The following LVRN variants were observed in gnomAD, a reference collection of about 807,000 sequenced individuals.
LVRN encodes the protein laeverin.
A neutral mutation model predicts 111.4 loss-of-function variants in LVRN; 99 were observed. The ratio of observed to expected loss-of-function variants is 0.89; its 90% confidence interval spans 0.76 to 1.05. The LOEUF is 1.05. LVRN is among the 50% of genes least tolerant of loss of function. The pLI is 0.00. For missense variants in LVRN, 1,414 were observed against 1,206.8 expected, an observed-to-expected ratio of 1.17 and a Z score of -2.54; for synonymous variants, 488 against 449.5, an observed-to-expected ratio of 1.09 and a Z score of -1.08.
In LVRN at chr5:115,984,477, G is replaced by A. The variant is rs534104519; in HGVS notation, c.839-93G>A. 7 of 1,427,462 alleles carry A rather than the reference G, an allele frequency of 4.9e-6. No homozygotes were observed. The African/African-American group carries it at 7.1e-5, about 14-fold the overall frequency. 88.4% of individuals were successfully genotyped at this position (1,427,462 alleles called of 1,614,324 possible). A position where few individuals can be genotyped will look rare whatever the true frequency, so the allele number is the denominator to read the frequency against. ...TAGACTATGAGGAATAGCTGGAAAG[G>A]AGTAGCTGGGTGACAATTGACTTGA... On this transcript the variant is annotated intron_variant, in intron 2 of 19. Transcript: ENST00000357872.
chr5:116,017,428 A>T (rs1580400899), intron 18 of LVRN, among the ~76,000 whole-genome samples: 1 of 152,232 alleles, frequency 6.6e-6, no homozygotes, highest in African/African-American at 2.4e-5. Flanking sequence ...TTGGAGGTCA[A>T]TTCTAGAATC....
chr5:116,023,023 C>A (rs528867836), intron 19 of LVRN, among the ~76,000 whole-genome samples: 1 of 152,322 alleles, frequency 6.6e-6, no homozygotes, highest in South Asian at 2.1e-4. Context: ...TTCAGAAACA[C>A]TCTACCTTCT....
chr5:115,983,296 A>G lies in LVRN; in HGVS notation c.705A>G (p.Leu235=), dbSNP rs1362829388. The part of the protein sequence containing the change: ...YTDQGERRAL[L]ASQLEPTFAR... ...CCAAAATGTATTTCAGGGCCCTGTT[A>G]GCGTCCCAGCTGGAACCAACATTTG... Residue 235 remains leucine, a synonymous_variant, in exon 2 of 20, where the codon TTA becomes TTG. Coordinates refer to ENST00000357872, the MANE Select transcript of LVRN (RefSeq NM_173800.5). 2 of 1,588,028 alleles carry G rather than the reference A, an allele frequency of 1.3e-6. No individual in the cohort carries two copies. Among genetic ancestry groups the G allele is most frequent in the South Asian group, 1.2e-5 (1 of 85,822 alleles).
chr5:115,993,549 G>T (rs1199119517), intron 5 of LVRN, among the ~76,000 whole-genome samples, 192 bp from the exon 6 acceptor site: 1 of 152,152 alleles, frequency 6.6e-6, no homozygotes, highest in African/African-American at 2.4e-5. Flanking sequence ...TCTGAGAAAT[G>T]CATGACTAAT....
intron 1 of LVRN, among the ~76,000 whole-genome samples, chr5:115,979,149 C>A (rs1753510590): frequency 6.6e-6 from 1 of 152,100 alleles, no homozygotes; most frequent in East Asian, 1.9e-4. Flanking sequence ...ACAGCTCTTG[C>A]AAGGAATGCT....
At chr5:115,986,439 G>A (rs918077216) in intron 3 of LVRN, among the ~76,000 whole-genome samples, 1 of 152,138 alleles carries the variant, frequency 6.6e-6, no homozygotes, top group East Asian at 1.9e-4. Context: ...CGATTTATCT[G>A]TGAAAGATCA....
rs576359272 is a variant in LVRN, at chr5:116,018,576, G to T, written c.2756+2811G>T. On this transcript the variant is annotated intron_variant, in intron 18 of 19. Transcript: ENST00000357872. ...AATCCCAGCTACTCAGGAAGCTGAGGCAGGAGAATCGCTTGAACCCGGGAG... is the reference window on the plus strand; with the variant it reads ...AATCCCAGCTACTCAGGAAGCTGAGTCAGGAGAATCGCTTGAACCCGGGAG... 2.4e-3 allele frequency among the ~76,000 whole-genome samples: 360 copies of T among 152,186 alleles called. 4 individuals are homozygous for T. The highest frequency in any genetic ancestry group is 8.5e-3 in the African/African-American group (353 of 41,534).
In LVRN at chr5:115,966,909, T is replaced by C. The variant is rs570272045; in HGVS notation, c.695+3597T>C. Among the ~76,000 whole-genome samples the C allele has an allele frequency of 6.6e-5, 10 of 152,268 alleles. No homozygotes were observed. In the East Asian group the frequency reaches 1.9e-3, roughly 29 times the overall value. ...CTCCAATGACTAATGATGTTAAACA[T>C]TTTTTTGTGTGCTTATTTGCCATCT... On this transcript the variant is annotated intron_variant, in intron 1 of 19. Coordinates refer to ENST00000357872, the MANE Select transcript of LVRN (RefSeq NM_173800.5).
chr5:116,022,373 C>A lies in LVRN; in HGVS notation c.2757-18C>A, dbSNP rs370594268. On this transcript the variant is annotated intron_variant, in intron 18 of 19. Coordinates refer to ENST00000357872, the MANE Select transcript of LVRN (RefSeq NM_173800.5). The stretch of plus-strand genomic sequence containing the variant: ...CAAAATGCTTTCCACCCTTGATTAA[C>A]ATCTTATTGCCTTGTAGGTATGGAA... 2.5e-5 allele frequency: 38 copies of A among 1,550,314 alleles called. No individual in the cohort carries two copies. The highest frequency in any genetic ancestry group is 1.7e-4 in the Middle Eastern group (1 of 5,916).
At chr5:115,976,050 T>A (rs927085764) in intron 1 of LVRN, 1 of 153,494 alleles carries the variant, frequency 6.5e-6, no homozygotes, top group African/African-American at 2.4e-5. Flanking sequence ...CCGTGACTGA[T>A]CACCACACCA....
intron 15 of LVRN, 134 bp downstream of exon 15, chr5:116,012,602 A>T (rs1417657756): frequency 5.2e-6 from 3 of 573,534 alleles, no homozygotes; most frequent in Non-Finnish European, 8.9e-6. Context: ...TGAGAACAAT[A>T]GCTCAGAGGT....
chr5:115,997,492 C>T lies in LVRN; in HGVS notation c.1375-2270C>T, dbSNP rs911206056. Among the ~76,000 whole-genome samples the T allele has an allele frequency of 5.9e-5, 9 of 151,868 alleles. 1 individual carries two copies. The highest frequency in any genetic ancestry group is 8.8e-5 in the Non-Finnish European group (6 of 67,974). ...CAGCCTGGGCAACATAGTGAAATCTCGTCTCTACTAAAATTTTTTTAATTA... is the reference window on the plus strand; with the variant it reads ...CAGCCTGGGCAACATAGTGAAATCTTGTCTCTACTAAAATTTTTTTAATTA... On this transcript the variant is annotated intron_variant, in intron 6 of 19. Transcript: ENST00000357872.
intron 5 of LVRN, 54 bp downstream of exon 5, chr5:115,992,331 T>G: frequency 6.3e-7 from 1 of 1,596,694 alleles, no homozygotes. Context: ...CCAGGTGCGC[T>G]ACCAAAATAG....
chr5:116,015,529 T>A, intron 17 of LVRN, 99 bp from the exon 18 acceptor site: 1 of 1,485,120 alleles, frequency 6.7e-7, no homozygotes, highest in Non-Finnish European at 9.0e-7. Flanking sequence ...GTATTTGTGC[T>A]TCACTACCTT....
At chr5:115,976,626 T>C (rs970508826) in intron 1 of LVRN, among the ~76,000 whole-genome samples, 2 of 152,210 alleles carry the variant, frequency 1.3e-5, no homozygotes, top group Admixed American at 6.5e-5. Context: ...GATGTTATGT[T>C]GTTTTTATCT....
Position 115,984,748 on chromosome 5 carries a change from T to C in LVRN, c.978+39T>C, listed in dbSNP as rs776831912. ...ATTCTGTAGGTAAGGGAGATTGTAC[T>C]GGCTGCAGATTATTCATCTATTCTT... On this transcript the variant is annotated intron_variant, in intron 3 of 19. Coordinates refer to ENST00000357872, the MANE Select transcript of LVRN (RefSeq NM_173800.5). 33 of 1,609,044 alleles carry C rather than the reference T, an allele frequency of 2.1e-5. 1 individual carries two copies. In the South Asian group the frequency reaches 3.5e-4, roughly 17 times the overall value.
intron 1 of LVRN, among the ~76,000 whole-genome samples, chr5:115,970,331 T>A (rs1039765191): frequency 6.6e-6 from 1 of 152,172 alleles, no homozygotes; most frequent in African/African-American, 2.4e-5. Context: ...TCATACAATA[T>A]GTACTCTCAT....
At chr5:116,003,211 AT>A in intron 11 of LVRN, 29 bp from the exon 12 acceptor site, 1 of 1,538,900 alleles carries the variant, frequency 6.5e-7, no homozygotes, top group Non-Finnish European at 8.8e-7. Flanking sequence ...TAAATGTACC[AT>A]TTCAAATTAT....
chr5:116,002,456 C>T (rs561775559), intron 10 of LVRN, among the ~76,000 whole-genome samples: 1 of 152,344 alleles, frequency 6.6e-6, no homozygotes, highest in South Asian at 2.1e-4. Flanking sequence ...TCCTTCTAAA[C>T]TACTTTTCAC....
Sources: allele counts gnomAD v4.1 joint callset (sites outside exome capture counted in the v4.1 genomes callset), GRCh38; gene constraint gnomAD v4.1.1; transcripts MANE v1.5; gene names NCBI Gene and HGNC (gene_info 2026-07-23, HGNC 2026-07-21).